Variants in POLG2 observed in about 807,000 individuals in gnomAD.
POLG2 encodes DNA polymerase gamma 2, accessory subunit, also known as DNA polymerase subunit gamma-2.
In POLG2, 50 loss-of-function variants were observed where a neutral mutation model predicts 56.5. The observed-to-expected ratio is 0.88, with a 90% CI of 0.71 to 1.12. The LOEUF (loss-of-function observed/expected upper bound fraction) is 1.12. Ranked by LOEUF, POLG2 falls within the 50% of genes most tolerant of loss-of-function variation. The probability of loss-of-function intolerance (pLI) is 0.00; values close to 1 mark genes in which losing one functional copy is unlikely to be tolerated. For synonymous variants in POLG2, 226 were observed against 222.6 expected, an observed-to-expected ratio of 1.02 and a Z score of -0.14; for missense variants, 584 against 583.3, an observed-to-expected ratio of 1.00 and a Z score of -0.01.
rs369799141 is a variant in POLG2, at chr17:64,480,279, C to G, written c.1292+10G>C. 4 of 1,336,358 alleles carry G rather than the reference C, an allele frequency of 3.0e-6. No homozygotes were observed. Among genetic ancestry groups the G allele is most frequent in the Non-Finnish European group, 4.3e-6 (4 of 937,682 alleles). 82.8% of individuals were successfully genotyped at this position (1,336,358 alleles called of 1,614,324 possible). A position where few individuals can be genotyped will look rare whatever the true frequency, so the allele number is the denominator to read the frequency against. ...ATAAATACACTCTTTAATGAAAATA[C>G]AATTCTTACTTCGAATAAAGTTGTT... On this transcript the variant is annotated intron_variant, in intron 7 of 7. Coordinates refer to ENST00000539111, the MANE Select transcript of POLG2 (RefSeq NM_007215.4).
chr17:64,496,044 G>C (rs1306751793), intron 1 of POLG2, among the ~76,000 whole-genome samples: 1 of 152,298 alleles, frequency 6.6e-6, no homozygotes, highest in African/African-American at 2.4e-5. Context: ...AATAGTTTCA[G>C]AATTATAATT....
chr17:64,493,133 G>A (rs2038092234), intron 1 of POLG2, 112 bp from the exon 2 acceptor site: 2 of 1,223,428 alleles, frequency 1.6e-6, no homozygotes, highest in African/African-American at 3.0e-5. Context: ...AAAGACAGAT[G>A]TTGGCTAAGC....
At position 64,497,002 on chromosome 17, in the gene POLG2, C is replaced by T. The variant is rs782505866; in HGVS notation, c.-34G>A. 10 of 1,577,356 alleles carry T rather than the reference C, an allele frequency of 6.3e-6. No homozygotes were observed. The East Asian group carries it at 1.6e-4, about 25-fold the overall frequency. ...GAAGTTAAAGAGCACACTCTCCCATCACTCAACGGATCCCAACAAGCCACC... is the reference window on the plus strand; with the variant it reads ...GAAGTTAAAGAGCACACTCTCCCATTACTCAACGGATCCCAACAAGCCACC... On this transcript the variant is annotated 5_prime_UTR_variant, in exon 1 of 8. Coordinates refer to ENST00000539111, the MANE Select transcript of POLG2 (RefSeq NM_007215.4).
In POLG2 at chr17:64,496,789, G is replaced by C. The variant is rs1568093858; in HGVS notation, c.180C>G (p.Pro60=). 2 of 1,613,590 alleles carry C rather than the reference G, an allele frequency of 1.2e-6. No individual in the cohort carries two copies. Among genetic ancestry groups the C allele is most frequent in the Admixed American group, 3.3e-5 (2 of 60,014 alleles). ...GCGCCTCGCTTCCCTCTCCAGACCC[G>C]GGGGCTTCTGGGTGCTCGCCGTTCC... is the stretch of plus-strand genomic sequence containing the variant. The part of the protein sequence containing the change: ...LEGNGEHPEA[P]GSGEGSEALL... The change falls in exon 1 of 8, where the codon CCC becomes CCG. Residue 60 remains proline, a synonymous_variant. Transcript: ENST00000539111.
chr17:64,496,847 C>T lies in POLG2; in HGVS notation c.122G>A (p.Gly41Glu), dbSNP rs146504115. 478 of 1,613,876 alleles carry T rather than the reference C, an allele frequency of 3.0e-4. 2 individuals are homozygous for T. The African/African-American group carries it at 5.9e-3, about 20-fold the overall frequency. ...CTCCGCGTGCGACTTCACATGCCCTCCTTTGGGGCTACTCCTTTCCGTCAA... is the reference window on the plus strand; with the variant it reads ...CTCCGCGTGCGACTTCACATGCCCTTCTTTGGGGCTACTCCTTTCCGTCAA... ...ELLTERSSPK[G>E]GHVKSHAELE... Residue 41 changes from glycine to glutamate, a missense_variant, in exon 1 of 8, where the codon GGA becomes GAA. Coordinates refer to ENST00000539111, the MANE Select transcript of POLG2 (RefSeq NM_007215.4).
At chr17:64,481,667 G>T (rs191493022) in intron 6 of POLG2, among the ~76,000 whole-genome samples, 172 of 152,228 alleles carry the variant, frequency 1.1e-3, no homozygotes, top group African/African-American at 4.0e-3. Flanking sequence ...GAGGTCAGGA[G>T]TTGGAGACCA....
In POLG2 at chr17:64,480,364, A is replaced by G; in HGVS notation, c.1217T>C (p.Leu406Ser). The G allele has an allele frequency of 1.3e-6, 2 of 1,587,196 alleles. No individual in the cohort carries two copies. Among genetic ancestry groups the G allele is most frequent in the Non-Finnish European group, 1.7e-6 (2 of 1,157,216 alleles). ...RQVCQGLFNE[L>S]LENGISVWPG... is the part of the protein sequence containing the mutation. ...CCACACAGAAATCCCATTTTCTAGT[A>G]ACTCATTAAATAGCCCTTGACAAAC... Residue 406 changes from leucine (L) to serine (S), a missense_variant, in exon 7 of 8, where the codon TTA (leucine) becomes TCA (serine). Transcript: ENST00000539111.
At chr17:64,481,257 A>G in intron 6 of POLG2, 1 of 985,038 alleles carries the variant, frequency 1.0e-6, no homozygotes, top group Non-Finnish European at 1.2e-6. Context: ...CTGGGAGAAA[A>G]TGTGGGACAT....
rs1215110897 is a variant in POLG2 at position 64,493,005 on chromosome 17, A to G, written c.579T>C (p.Tyr193=). The part of the protein sequence containing the change: ...ENLLHGALEH[Y]VNCLDLVNKR... ...TGTTTACCAGATCCAGGCAATTAAC[A>G]TAGTGTTCCAAGGCACCTGTCAAAA... The change falls in exon 2 of 8, where the codon TAT becomes TAC. Residue 193 remains tyrosine (Y), a synonymous_variant. Coordinates refer to ENST00000539111, the MANE Select transcript of POLG2 (RefSeq NM_007215.4). The G allele has an allele frequency of 1.2e-6, 2 of 1,614,052 alleles. No homozygotes were observed. Among genetic ancestry groups the G allele is most frequent in the Non-Finnish European group, 1.7e-6 (2 of 1,179,996 alleles).
chr17:64,496,405 AC>A lies in POLG2; in HGVS notation c.562+1del, dbSNP rs2038151853. ...TTTGAAGCATGAAATCGTGAAGCATACCGTGAAGAAGGTTCTCCCGTAGTTT... is the reference window on the plus strand; with the variant it reads ...TTTGAAGCATGAAATCGTGAAGCATACGTGAAGAAGGTTCTCCCGTAGTTT... On this transcript the variant is annotated splice_donor_variant, in intron 1 of 7. Transcript: ENST00000539111. LOFTEE classifies it high-confidence loss of function. 1 of 1,560,790 alleles carries A rather than the reference AC, an allele frequency of 6.4e-7. No individual in the cohort carries two copies. The highest frequency in any genetic ancestry group is 1.2e-5 in the South Asian group (1 of 86,120).
In POLG2 at chr17:64,493,042, C is replaced by G. The variant is rs201599989; in HGVS notation, c.563-21G>C. The G allele has an allele frequency of 1.4e-5, 22 of 1,613,420 alleles. No individual in the cohort carries two copies. In the African/African-American group the frequency reaches 2.7e-4, roughly 20 times the overall value. Reference sequence around the variant, plus strand: ...GGCACCTGTCAAAAGATAAATCAATCATTGTATACATCTAGTCCACAAACC... The same window carrying G: ...GGCACCTGTCAAAAGATAAATCAATGATTGTATACATCTAGTCCACAAACC... On this transcript the variant is annotated intron_variant, in intron 1 of 7. Coordinates refer to ENST00000539111, the MANE Select transcript of POLG2 (RefSeq NM_007215.4).
intron 4 of POLG2, among the ~76,000 whole-genome samples, chr17:64,487,654 A>G (rs868908865): frequency 5.3e-5 from 8 of 151,646 alleles, no homozygotes; most frequent in South Asian, 2.1e-4. Flanking sequence ...TCAAGTACTG[A>G]AAGATTCTGT....
chr17:64,490,883 G>A lies in POLG2; in HGVS notation c.882C>T (p.Pro294=). 1 of 1,613,638 alleles carries A rather than the reference G, an allele frequency of 6.2e-7. No homozygotes were observed. The highest frequency in any genetic ancestry group is 2.2e-5 in the East Asian group (1 of 44,868). The change falls in exon 4 of 8, where the codon CCC becomes CCT. Residue 294 remains proline (P), a synonymous_variant. Coordinates refer to ENST00000539111, the MANE Select transcript of POLG2 (RefSeq NM_007215.4). ...GGGTTTCTATTAACTCCTTTCCCCA[G>A]GGAAAATTGTAGTAAAGTTTGTTTC... ...RKGNKLYYNF[P]WGKELIETLW...
intron 3 of POLG2, among the ~76,000 whole-genome samples, chr17:64,492,385 G>T (rs782449687): frequency 6.6e-6 from 1 of 152,222 alleles, no homozygotes; most frequent in Non-Finnish European, 1.5e-5. Context: ...AATGGTCAAG[G>T]GTCAAACTCT....
At chr17:64,495,920 G>A (rs931125940) in intron 1 of POLG2, among the ~76,000 whole-genome samples, 1 of 152,074 alleles carries the variant, frequency 6.6e-6, no homozygotes, top group African/African-American at 2.4e-5. Context: ...TGTTGGCCAG[G>A]CTAGTCTCGA....
chr17:64,494,981 G>A (rs1391170061), intron 1 of POLG2, among the ~76,000 whole-genome samples: 1 of 151,324 alleles, frequency 6.6e-6, no homozygotes, highest in East Asian at 2.0e-4. Context: ...AGACCATCCT[G>A]GCTAACAAGG....
At chr17:64,482,673 A>G (rs1479298330) in intron 6 of POLG2, among the ~76,000 whole-genome samples, 1 of 152,232 alleles carries the variant, frequency 6.6e-6, no homozygotes, top group Non-Finnish European at 1.5e-5. Context: ...GCAAGCTATC[A>G]AGTTTACTTA....
intron 5 of POLG2, chr17:64,485,341 A>C (rs1555667225): frequency 4.8e-6 from 1 of 209,340 alleles, no homozygotes; most frequent in African/African-American, 2.4e-5. Flanking sequence ...CAAGACCAGA[A>C]GCCAGACACC....
chr17:64,487,559 A>G (rs1428018716), intron 4 of POLG2: 1 of 147,660 alleles, frequency 6.8e-6, no homozygotes, highest in Non-Finnish European at 1.5e-5. Flanking sequence ...GGCTGCAGTG[A>G]GCAGACATTG....
Sources: gnomAD v4.1 joint callset for allele counts (sites outside exome capture counted in the v4.1 genomes callset) on GRCh38, gnomAD v4.1.1 for gene constraint, MANE v1.5 for transcripts, NCBI Gene and HGNC (gene_info 2026-07-23, HGNC 2026-07-21) for gene names.